The following KCTD8 variants were observed in gnomAD, a reference collection of about 807,000 sequenced individuals.
The protein encoded by KCTD8 is BTB/POZ domain-containing protein KCTD8.
A neutral mutation model predicts 31.5 loss-of-function variants in KCTD8; 27 were observed. That is an observed-to-expected ratio of 0.86 (90% CI 0.63 to 1.18). The LOEUF (loss-of-function observed/expected upper bound fraction) is 1.18. Among genes scored for constraint, KCTD8 ranks in the 50% most tolerant of loss-of-function variants. The pLI, the probability that KCTD8 is intolerant of heterozygous loss-of-function variation, is 0.00. For synonymous variants in KCTD8, 290 were observed against 280.0 expected (o/e 1.04, Z -0.36); for missense variants, 658 against 647.7 (o/e 1.02, Z -0.17).
intron 1 of KCTD8, among the ~76,000 whole-genome samples, chr4:44,221,685 G>A (rs1051206442): frequency 6.6e-6 from 1 of 152,100 alleles, no homozygotes; most frequent in Non-Finnish European, 1.5e-5. Context: ...ATATTTGAGG[G>A]CAGCAAGCAT....
At chr4:44,318,858 C>G (rs575196819) in intron 1 of KCTD8, among the ~76,000 whole-genome samples, 14 of 152,096 alleles carry the variant, frequency 9.2e-5, no homozygotes, top group African/African-American at 3.4e-4. Flanking sequence ...GTGGAAGAAG[C>G]CTTGAGACAG....
At chr4:44,219,369 C>A (rs537268603) in intron 1 of KCTD8, among the ~76,000 whole-genome samples, 2 of 152,290 alleles carry the variant, frequency 1.3e-5, no homozygotes, top group South Asian at 4.1e-4. Context: ...ATTTGAAAAT[C>A]CGGCCTTTGC....
chr4:44,269,271 G>C (rs1191391644), intron 1 of KCTD8, among the ~76,000 whole-genome samples: 2 of 152,086 alleles, frequency 1.3e-5, no homozygotes, highest in Non-Finnish European at 2.9e-5. Context: ...ACAAACCTGA[G>C]AAAAACAAGC....
At chr4:44,375,105 C>T (rs1719886817) in intron 1 of KCTD8, among the ~76,000 whole-genome samples, 1 of 152,088 alleles carries the variant, frequency 6.6e-6, no homozygotes, top group Admixed American at 6.6e-5. Context: ...TAAGAGACCT[C>T]AGAATTAGAA....
At chr4:44,432,288 G>C (rs776290771) in intron 1 of KCTD8, among the ~76,000 whole-genome samples, 3 of 151,454 alleles carry the variant, frequency 2.0e-5, no homozygotes, top group Non-Finnish European at 4.4e-5. Flanking sequence ...TTCCTTCCAT[G>C]TTTTTTAATG....
At chr4:44,350,896 T>C (rs1294500345) in intron 1 of KCTD8, among the ~76,000 whole-genome samples, 1 of 152,158 alleles carries the variant, frequency 6.6e-6, no homozygotes, top group Non-Finnish European at 1.5e-5. Flanking sequence ...TGCAGTCCAA[T>C]CAGACGTTCG....
At position 44,269,022 on chromosome 4, in the gene KCTD8, C is replaced by T. The variant is rs563627563; in HGVS notation, c.962-93772G>A. On this transcript the variant is annotated intron_variant, in intron 1 of 1. Transcript: ENST00000360029. ...ATCAAGCTACCAATGACTTTCTTCA[C>T]AGAATTGGAAAAAACTACTTTAAAG... Among the ~76,000 whole-genome samples, 1,023 of 152,228 alleles carry T rather than the reference C, an allele frequency of 6.7e-3. 16 individuals carry two copies. Among genetic ancestry groups the T allele is most frequent in the Non-Finnish European group, 7.6e-3 (517 of 68,022 alleles).
chr4:44,397,810 C>T lies in KCTD8; in HGVS notation c.961+49753G>A, dbSNP rs961087517. 7.2e-5 allele frequency among the ~76,000 whole-genome samples: 11 copies of T among 151,926 alleles called. No homozygotes were observed. The East Asian group carries it at 9.7e-4, about 13-fold the overall frequency. On this transcript the variant is annotated intron_variant, in intron 1 of 1. Transcript: ENST00000360029. ...TACACTGGCAAATGTTCTTAATATG[C>T]GAGAAAACATTACAAGAATTTTAAA...
intron 1 of KCTD8, among the ~76,000 whole-genome samples, chr4:44,311,675 G>C (rs532180836): frequency 6.6e-6 from 1 of 152,078 alleles, no homozygotes; most frequent in South Asian, 2.1e-4. Context: ...CCAAAGCACA[G>C]TAATAACAAA....
chr4:44,291,151 C>G lies in KCTD8; in HGVS notation c.962-115901G>C, dbSNP rs373020075. ...AGCATTACAATTGATCCCACAGACA[C>G]AATATATATTCAGAGACTATTATGA... is the stretch of plus-strand genomic sequence containing the variant. On this transcript the variant is annotated intron_variant, in intron 1 of 1. Transcript: ENST00000360029. Among the ~76,000 whole-genome samples the G allele has an allele frequency of 5.9e-5, 9 of 152,130 alleles. No individual in the cohort carries two copies. In the East Asian group the frequency reaches 1.5e-3, roughly 26 times the overall value.
chr4:44,175,307 G>T, intron 1 of KCTD8, 57 bp from the exon 2 acceptor site: 1 of 1,054,908 alleles, frequency 9.5e-7, no homozygotes, highest in South Asian at 1.9e-5. Context: ...GAAGTGTGAA[G>T]GTAAAATTAA....
At chr4:44,289,815 C>T (rs528532904) in intron 1 of KCTD8, among the ~76,000 whole-genome samples, 3 of 152,220 alleles carry the variant, frequency 2.0e-5, no homozygotes, top group Admixed American at 6.5e-5. Context: ...TGCCCATATC[C>T]CAAGGCTCTC....
chr4:44,395,215 G>A (rs1397304382), intron 1 of KCTD8, among the ~76,000 whole-genome samples: 1 of 152,088 alleles, frequency 6.6e-6, no homozygotes, highest in Non-Finnish European at 1.5e-5. Flanking sequence ...AATGAGAGAA[G>A]GGAGAGGTAA....
At chr4:44,413,701 G>A (rs1218698389) in intron 1 of KCTD8, among the ~76,000 whole-genome samples, 1 of 152,086 alleles carries the variant, frequency 6.6e-6, no homozygotes, top group Non-Finnish European at 1.5e-5. Context: ...GGTTGTAGTA[G>A]GCAGAATAAT....
intron 1 of KCTD8, among the ~76,000 whole-genome samples, chr4:44,317,250 T>TTTTTTTTTTTTTTG (rs1718160010): frequency 1.1e-5 from 1 of 89,488 alleles, no homozygotes; most frequent in Admixed American, 1.1e-4. Context: ...TTTTTTTTTT[T>TTTTTTTTTTTTTTG]GAGACGGAGT....
intron 1 of KCTD8, among the ~76,000 whole-genome samples, chr4:44,264,904 G>A (rs1716295528): frequency 6.6e-6 from 1 of 152,162 alleles, no homozygotes; most frequent in African/African-American, 2.4e-5. Flanking sequence ...GAACTGGGTG[G>A]AGCCCACCAC....
intron 1 of KCTD8, among the ~76,000 whole-genome samples, chr4:44,202,323 C>A (rs1444448496): frequency 6.6e-6 from 1 of 152,162 alleles, no homozygotes; most frequent in Non-Finnish European, 1.5e-5. Context: ...AAGACACATG[C>A]ACTCACATGT....
At chr4:44,234,533 A>G (rs1430044256) in intron 1 of KCTD8, among the ~76,000 whole-genome samples, 1 of 152,206 alleles carries the variant, frequency 6.6e-6, no homozygotes, top group African/African-American at 2.4e-5. Context: ...GTATTAATAC[A>G]TGTCAACTGA....
intron 1 of KCTD8, among the ~76,000 whole-genome samples, chr4:44,220,864 A>G (rs536627446): frequency 2.6e-5 from 4 of 152,212 alleles, no homozygotes; most frequent in Non-Finnish European, 5.9e-5. Flanking sequence ...TTATTTATTT[A>G]TTTTTACCAT....
Sources: allele counts gnomAD v4.1 joint callset (sites outside exome capture counted in the v4.1 genomes callset), GRCh38; gene constraint gnomAD v4.1.1; transcripts MANE v1.5; gene names NCBI Gene and HGNC (gene_info 2026-07-23, HGNC 2026-07-21).